Variants in CLPTM1L observed in about 807,000 individuals in gnomAD.
CLPTM1L encodes CLPTM1 like.
A neutral mutation model predicts 70.9 loss-of-function variants in CLPTM1L; 38 were observed. The ratio of observed to expected loss-of-function variants is 0.54; its 90% CI spans 0.41 to 0.70. The LOEUF (loss-of-function observed/expected upper bound fraction) is 0.70, where lower values mean the gene tolerates loss of function less well. Ranked by LOEUF, CLPTM1L falls within the 30% of genes least tolerant of loss-of-function variation. CLPTM1L has a pLI of 0.00. For synonymous variants in CLPTM1L, 339 were observed against 299.9 expected (o/e 1.13, Z -1.35); for missense variants, 652 against 705.9 (o/e 0.92, Z 0.87).
intron 2 of CLPTM1L, 85 bp from the exon 3 acceptor site, chr5:1,341,945 C>T: frequency 9.0e-7 from 1 of 1,109,704 alleles, no homozygotes; most frequent in Non-Finnish European, 1.3e-6. Flanking sequence ...AAAGCTGCTT[C>T]AATAAACTAA....
intron 15 of CLPTM1L, among the ~76,000 whole-genome samples, chr5:1,321,388 C>A (rs1392221733): frequency 6.6e-6 from 1 of 151,920 alleles, no homozygotes; most frequent in Non-Finnish European, 1.5e-5. Context: ...AACATAAACA[C>A]TAAAAAAGAA....
intron 2 of CLPTM1L, among the ~76,000 whole-genome samples, chr5:1,343,702 T>C (rs751785057): frequency 6.6e-6 from 1 of 152,226 alleles, no homozygotes; most frequent in Non-Finnish European, 1.5e-5. Flanking sequence ...CCCCAGGGAC[T>C]GGCTGCCTAG....
In CLPTM1L at chr5:1,323,935, T is replaced by G. The variant is rs903988986; in HGVS notation, c.1198-66A>C. 5.7e-6 allele frequency: 7 copies of G among 1,226,616 alleles called. No individual in the cohort carries two copies. The Admixed American group carries it at 1.2e-4, about 21-fold the overall frequency. The allele number at this position is 1,226,616 out of a possible 1,614,324, so 76.0% of individuals were successfully genotyped here. On this transcript the variant is annotated intron_variant, in intron 11 of 16. Coordinates refer to ENST00000320895, the MANE Select transcript of CLPTM1L (RefSeq NM_030782.5). The stretch of plus-strand genomic sequence containing the variant: ...GCCAAGCCTCTGTAAACACACTGCA[T>G]GGAGCTCACCCCGACAGGGACAGAC...
Position 1,341,703 on chromosome 5 carries a change from T to C in CLPTM1L, c.421A>G (p.Ile141Val), listed in dbSNP as rs773898250. The change falls in exon 3 of 17, where the codon ATC becomes GTC. Residue 141 changes from isoleucine (I) to valine (V), a missense_variant. By Grantham distance (29) the Ile-to-Val change is conservative. This residue lies in a region of CLPTM1L where 402 missense variants were observed against 388.2 expected (regional missense o/e 1.04). Transcript: ENST00000320895. ...TTYMVPKPEE[I>V]NLLTGESDTQ... ...TCAGACTCCCCGGTGAGCAGGTTGA[T>C]TTCTTCTGGCTTGGGGACCATGTAG... 36 of 1,611,330 alleles carry C rather than the reference T, an allele frequency of 2.2e-5. No individual in the cohort carries two copies. The South Asian group carries it at 3.8e-4, about 17-fold the overall frequency.
At chr5:1,327,518 T>C (rs71595016) in intron 9 of CLPTM1L, among the ~76,000 whole-genome samples, 5 of 148,374 alleles carry the variant, frequency 3.4e-5, no homozygotes, top group Non-Finnish European at 7.4e-5. Context: ...TACAGGGACA[T>C]TCCATCCAGC....
Position 1,321,819 on chromosome 5 carries a change from C to G in CLPTM1L, c.1316G>C (p.Gly439Ala). 6.2e-7 allele frequency: 1 copy of G among 1,613,668 alleles called. No individual in the cohort carries two copies. Among genetic ancestry groups the G allele is most frequent in the Middle Eastern group, 1.7e-4 (1 of 6,056 alleles). Residue 439 changes from glycine to alanine, a missense_variant and splice_region_variant, in exon 14 of 17, where the codon GGG becomes GCG. Physicochemically the swap from Gly to Ala is moderately conservative, Grantham distance 60. This residue lies in a region of CLPTM1L where 240 missense variants were observed against 295.0 expected (regional missense o/e 0.81). Coordinates refer to ENST00000320895, the MANE Select transcript of CLPTM1L (RefSeq NM_030782.5). ...GAAGAGGAAACCAAAGGCATAGACC[C>G]CTGCAGAAAGACAGACAGCACTCAC... ...YSWLINSFVN[G>A]VYAFGFLFML...
intron 4 of CLPTM1L, among the ~76,000 whole-genome samples, chr5:1,338,581 C>T (rs1453903843): frequency 2.0e-5 from 3 of 152,232 alleles, no homozygotes; most frequent in Non-Finnish European, 4.4e-5. Flanking sequence ...GCAAAGCAAC[C>T]CGTTCCCATC....
At chr5:1,334,678 C>CG (rs1372995406) in intron 6 of CLPTM1L, among the ~76,000 whole-genome samples, 2 of 151,966 alleles carry the variant, frequency 1.3e-5, no homozygotes, top group African/African-American at 2.4e-5. Flanking sequence ...CGCTTGAATC[C>CG]GGGGGGCGGA....
In CLPTM1L at chr5:1,318,558, T is replaced by C. The variant is rs1751967278; in HGVS notation, c.1533-105A>G. Reference sequence around the variant, plus strand: ...TTTATTTTCCAGTGAGCTGCCACAGTGAGCAAATTAACTAAAAAGTCGAAT... The same window carrying C: ...TTTATTTTCCAGTGAGCTGCCACAGCGAGCAAATTAACTAAAAAGTCGAAT... On this transcript the variant is annotated intron_variant, in intron 16 of 16. Transcript: ENST00000320895. The surrounding 1 kb of genome is among the most constrained non-coding windows in gnomAD (Gnocchi z 8.9). 1.1e-6 allele frequency: 1 copy of C among 892,630 alleles called. No individual in the cohort carries two copies. The highest frequency in any genetic ancestry group is 2.3e-5 in the Admixed American group (1 of 43,942). 55.3% of individuals were successfully genotyped at this position (892,630 alleles called of 1,614,324 possible).
intron 9 of CLPTM1L, chr5:1,326,414 T>C (rs527867407): frequency 3.4e-5 from 8 of 236,576 alleles, no homozygotes; most frequent in Non-Finnish European, 6.4e-5. Flanking sequence ...ACAGACACAT[T>C]TCATCCAGCT....
chr5:1,320,301 T>C (rs371983474), intron 16 of CLPTM1L: 2 of 260,986 alleles, frequency 7.7e-6, no homozygotes, highest in Non-Finnish European at 7.2e-6. Context: ...TTCTGCTCAA[T>C]AGCAATGACT....
At position 1,331,814 on chromosome 5, in the gene CLPTM1L, T is replaced by C. The variant is rs1208131392; in HGVS notation, c.961A>G (p.Met321Val). 1.2e-6 allele frequency: 2 copies of C among 1,613,396 alleles called. No homozygotes were observed. Among genetic ancestry groups the C allele is most frequent in the Non-Finnish European group, 1.7e-6 (2 of 1,179,982 alleles). ...FWKKKKSMIG[M>V]STKAVLWRCF... The stretch of plus-strand genomic sequence containing the variant: ...GGGGGCCTACCTGCCTTGGTGGACA[T>C]GCCGATCATGCTCTTCTTCTTCTTC... The change falls in exon 8 of 17, where the codon ATG becomes GTG. Residue 321 changes from methionine to valine, a missense_variant. Met to Val is a conservative substitution (Grantham distance 21, BLOSUM62 1). Transcript: ENST00000320895.
intron 5 of CLPTM1L, among the ~76,000 whole-genome samples, chr5:1,336,851 G>A (rs191636501): frequency 9.7e-4 from 148 of 152,304 alleles, no homozygotes; most frequent in Middle Eastern, 3.4e-3. Context: ...AGCAGTACAG[G>A]GGGACTGTTC....
At position 1,318,469 on chromosome 5, in the gene CLPTM1L, T is replaced by G. The variant is rs1751962820; in HGVS notation, c.1533-16A>C. The G allele has an allele frequency of 6.2e-7, 1 of 1,609,998 alleles. No homozygotes were observed. On this transcript the variant is annotated splice_polypyrimidine_tract_variant and intron_variant, in intron 16 of 16. Coordinates refer to ENST00000320895, the MANE Select transcript of CLPTM1L (RefSeq NM_030782.5). The surrounding 1 kb of genome is among the most constrained non-coding windows in gnomAD (Gnocchi z 8.9). The stretch of plus-strand genomic sequence containing the variant: ...AGGATAAAGCCTGCAATGACACAAA[T>G]GAGCACATCAGCAAACCCCACTGCA...
At chr5:1,337,775 C>T (rs1753668949) in intron 5 of CLPTM1L, 129 bp downstream of exon 5, 1 of 776,200 alleles carries the variant, frequency 1.3e-6, no homozygotes, top group Non-Finnish European at 2.2e-6. Context: ...CAGTGCTTCC[C>T]AGCACGGGTA....
In CLPTM1L at chr5:1,341,692, G is replaced by A; in HGVS notation, c.432C>T (p.Leu144=). 1 of 1,610,478 alleles carries A rather than the reference G, an allele frequency of 6.2e-7. No individual in the cohort carries two copies. The highest frequency in any genetic ancestry group is 8.5e-7 in the Non-Finnish European group (1 of 1,177,120). ...TCACCTGTGTATCAGACTCCCCGGT[G>A]AGCAGGTTGATTTCTTCTGGCTTGG... ...MVPKPEEINL[L]TGESDTQQIE... Residue 144 remains leucine (L), a synonymous_variant, in exon 3 of 17, where the codon CTC becomes CTT. Transcript: ENST00000320895.
At chr5:1,338,812 G>A in intron 4 of CLPTM1L, 48 bp downstream of exon 4, 2 of 1,607,042 alleles carry the variant, frequency 1.2e-6, no homozygotes, top group Non-Finnish European at 1.7e-6. Context: ...GGCCAGCCAG[G>A]GTCCCAGCAC....
chr5:1,323,140 C>T (rs1406056602), intron 12 of CLPTM1L, among the ~76,000 whole-genome samples: 9 of 151,972 alleles, frequency 5.9e-5, no homozygotes, highest in African/African-American at 2.2e-4. Flanking sequence ...CCCCTCAGCT[C>T]AGGGCCAGCA....
At position 1,342,008 on chromosome 5, in the gene CLPTM1L, T is replaced by TTG; in HGVS notation, c.264-149_264-148insCA. 1.8e-6 allele frequency: 1 copy of TTG among 564,178 alleles called. No homozygotes were observed. Among genetic ancestry groups the TTG allele is most frequent in the Admixed American group, 3.2e-5 (1 of 31,318 alleles). 34.9% of individuals were successfully genotyped at this position (564,178 alleles called of 1,614,324 possible). ...ACCCACCTGCCCAGGGCTTTACGAG[T>TTG]CGTGTGTGTGTGTGTGTGTGTGTGT... On this transcript the variant is annotated intron_variant, in intron 2 of 16. Coordinates refer to ENST00000320895, the MANE Select transcript of CLPTM1L (RefSeq NM_030782.5). This position sits in a 1 kb window ranked among gnomAD's most constrained non-coding sequence, Gnocchi z 4.3.
Sources: allele counts gnomAD v4.1 joint callset (sites outside exome capture counted in the v4.1 genomes callset), GRCh38; gene constraint gnomAD v4.1.1; regional missense constraint gnomAD v4.1.1; non-coding constraint Gnocchi (gnomAD v3.1); transcripts MANE v1.5; gene names NCBI Gene and HGNC (gene_info 2026-07-23, HGNC 2026-07-21).